The following GTF2IRD1 variants were observed in gnomAD, a reference collection of about 807,000 sequenced individuals.
The protein encoded by GTF2IRD1 is general transcription factor II-I repeat domain-containing protein 1.
In GTF2IRD1, 26 loss-of-function variants were observed where a neutral mutation model predicts 113.2. The ratio of observed to expected loss-of-function variants is 0.23; its 90% CI spans 0.17 to 0.32. The LOEUF is 0.32. Ranked by LOEUF, GTF2IRD1 falls within the 10% of genes least tolerant of loss-of-function variation. The pLI is 1.00. For missense variants in GTF2IRD1, 864 were observed against 1,280.8 expected (o/e 0.67, Z 4.97); for synonymous variants, 484 against 529.1 (o/e 0.91, Z 1.17).
At chr7:74,566,561 C>T (rs1221385138) in intron 22 of GTF2IRD1, among the ~76,000 whole-genome samples, 2 of 152,172 alleles carry the variant, frequency 1.3e-5, no homozygotes, top group Admixed American at 1.3e-4. Context: ...AGGCTGGTCT[C>T]GAACTCCTGA....
intron 22 of GTF2IRD1, among the ~76,000 whole-genome samples, chr7:74,585,786 G>A (rs1801682562): frequency 6.6e-6 from 1 of 151,946 alleles, no homozygotes; most frequent in Non-Finnish European, 1.5e-5. Context: ...AGAGGCTGAG[G>A]CAGGAGAATC....
At chr7:74,455,528 G>C (rs781972381) in intron 1 of GTF2IRD1, among the ~76,000 whole-genome samples, 1 of 152,198 alleles carries the variant, frequency 6.6e-6, no homozygotes, top group Admixed American at 6.5e-5. Flanking sequence ...CACCAGCATC[G>C]ATTATTTATT....
At chr7:74,587,020 T>C (rs1198448173) in intron 22 of GTF2IRD1, among the ~76,000 whole-genome samples, 1 of 152,162 alleles carries the variant, frequency 6.6e-6, no homozygotes, top group African/African-American at 2.4e-5. Context: ...TGGTGATTCA[T>C]GCCTGGAGCC....
chr7:74,480,543 A>C (rs1261081224), intron 1 of GTF2IRD1, among the ~76,000 whole-genome samples: 1 of 152,170 alleles, frequency 6.6e-6, no homozygotes, highest in African/African-American at 2.4e-5. Flanking sequence ...TGCCATAGGC[A>C]CGCAGGCCCG....
chr7:74,570,791 A>T lies in GTF2IRD1; in HGVS notation c.2320+11136A>T, dbSNP rs587757491. 2.0e-5 allele frequency among the ~76,000 whole-genome samples: 3 copies of T among 152,282 alleles called. No individual in the cohort carries two copies. The South Asian group carries it at 6.2e-4, about 32-fold the overall frequency. On this transcript the variant is annotated intron_variant, in intron 22 of 26. Transcript: ENST00000424337. ...CCACTCACTAGAGAGGCCGCTTCCT[A>T]TAGGGCTTGCTGCAGGAGAGGAGAA...
chr7:74,485,304 G>A (rs1554335388), intron 1 of GTF2IRD1, among the ~76,000 whole-genome samples: 1 of 152,194 alleles, frequency 6.6e-6, no homozygotes, highest in Non-Finnish European at 1.5e-5. Context: ...GACGAGTCTT[G>A]GAGACTGAGG....
intron 22 of GTF2IRD1, among the ~76,000 whole-genome samples, chr7:74,564,923 CCAAGCCTCAGAGGGCAGTGGGTGAATTT>C (rs1462229963): frequency 2.0e-5 from 3 of 152,138 alleles, no homozygotes; most frequent in African/African-American, 7.2e-5. Context: ...TGGACTTGGA[CCAAGCCTCAGAGGGCAGTGGGTGAATTT>C]CAGGCCTCAG....
chr7:74,543,420 C>T (rs1554352307), intron 14 of GTF2IRD1, among the ~76,000 whole-genome samples: 1 of 152,226 alleles, frequency 6.6e-6, no homozygotes, highest in African/African-American at 2.4e-5. Context: ...TTGCAGTGAG[C>T]TGAGACTGCA....
At chr7:74,563,579 G>GA (rs1171218582) in intron 22 of GTF2IRD1, among the ~76,000 whole-genome samples, 208 of 128,362 alleles carry the variant, frequency 1.6e-3, no homozygotes, top group African/African-American at 3.3e-3. Flanking sequence ...CTCCGTCTCA[G>GA]AAAAAAAAAA....
At chr7:74,596,459 C>CAAAAAAA (rs1184751959) in intron 25 of GTF2IRD1, among the ~76,000 whole-genome samples, 1 of 60,486 alleles carries the variant, frequency 1.7e-5, no homozygotes, top group Non-Finnish European at 3.2e-5. Context: ...GACTCTGTCT[C>CAAAAAAA]AAAAAAAAAA....
At chr7:74,525,937 C>T (rs1797570944) in intron 8 of GTF2IRD1, among the ~76,000 whole-genome samples, 1 of 152,182 alleles carries the variant, frequency 6.6e-6, no homozygotes, top group Admixed American at 6.5e-5. Context: ...TCCACATTGA[C>T]ATGGGGCTGA....
At chr7:74,484,900 G>A (rs1554335333) in intron 1 of GTF2IRD1, among the ~76,000 whole-genome samples, 1 of 152,176 alleles carries the variant, frequency 6.6e-6, no homozygotes, top group Non-Finnish European at 1.5e-5. Flanking sequence ...GTACAGATGT[G>A]TCTTTGAGAC....
rs587743253 is a variant in GTF2IRD1 at position 74,547,755 on chromosome 7, CTTTTTTT to C, written c.1916+485_1916+491del. Among the ~76,000 whole-genome samples, 510 of 114,240 alleles carry C rather than the reference CTTTTTTT, an allele frequency of 4.5e-3. 3 individuals carry two copies. The highest frequency in any genetic ancestry group is 0.014 in the African/African-American group (408 of 29,728). The allele number at this position is 114,240 out of a possible 152,430, so 74.9% of individuals were successfully genotyped here. ...CACCAGGCCTTTCTTTTCTCTCTCT[CTTTTTTT>C]TTTTTTTTTTTTTTTGACAGCAAGG... On this transcript the variant is annotated intron_variant, in intron 17 of 26. Coordinates refer to ENST00000424337, the MANE Select transcript of GTF2IRD1 (RefSeq NM_005685.4).
intron 6 of GTF2IRD1, among the ~76,000 whole-genome samples, chr7:74,520,419 C>T (rs1797215186): frequency 3.3e-5 from 5 of 152,016 alleles, no homozygotes; most frequent in African/African-American, 1.2e-4. Flanking sequence ...TCAGTTTCTT[C>T]CTCTATAAAA....
At chr7:74,489,379 G>A (rs1464227166) in intron 1 of GTF2IRD1, among the ~76,000 whole-genome samples, 1 of 152,086 alleles carries the variant, frequency 6.6e-6, no homozygotes, top group Non-Finnish European at 1.5e-5. Context: ...GTCTTGCTCT[G>A]TTGCCCAGGC....
At chr7:74,500,317 G>A (rs539202795) in intron 1 of GTF2IRD1, among the ~76,000 whole-genome samples, 11 of 152,080 alleles carry the variant, frequency 7.2e-5, no homozygotes, top group Admixed American at 2.0e-4. Context: ...GGTGGCTCTC[G>A]CCTGTAATCC....
chr7:74,491,549 G>C (rs1216445235), intron 1 of GTF2IRD1, among the ~76,000 whole-genome samples: 2 of 151,798 alleles, frequency 1.3e-5, no homozygotes, highest in Non-Finnish European at 2.9e-5. Flanking sequence ...TCATTGTTCA[G>C]CTCCCACTTA....
At chr7:74,468,946 G>A (rs1010356973) in intron 1 of GTF2IRD1, among the ~76,000 whole-genome samples, 2 of 151,764 alleles carry the variant, frequency 1.3e-5, no homozygotes, top group Non-Finnish European at 2.9e-5. Flanking sequence ...TTAGCCGGGC[G>A]TGATGGTGGG....
intron 22 of GTF2IRD1, among the ~76,000 whole-genome samples, chr7:74,587,174 G>T (rs1554368073): frequency 6.6e-6 from 1 of 152,132 alleles, no homozygotes; most frequent in East Asian, 1.9e-4. Context: ...GCTGGGCACA[G>T]TGGCTCACGC....
Sources: gnomAD v4.1 joint callset for allele counts (sites outside exome capture counted in the v4.1 genomes callset) on GRCh38, gnomAD v4.1.1 for gene constraint, MANE v1.5 for transcripts, NCBI Gene and HGNC (gene_info 2026-07-23, HGNC 2026-07-21) for gene names.